ASTN2: variants seen among roughly 807,000 people sequenced by gnomAD.
The protein encoded by ASTN2 is astrotactin 2.
In ASTN2, 54 loss-of-function variants were observed where a neutral mutation model predicts 139.8. The observed-to-expected ratio is 0.39, with a 90% CI of 0.31 to 0.48. The LOEUF (loss-of-function observed/expected upper bound fraction) is 0.48, where lower values mean the gene tolerates loss of function less well. Ranked by LOEUF, ASTN2 falls within the 20% of genes least tolerant of loss-of-function variation. ASTN2 has a pLI of 0.95. For synonymous variants in ASTN2, 756 were observed against 719.5 expected (o/e 1.05, Z -0.81); for missense variants, 1,565 against 1,725.1 (o/e 0.91, Z 1.64).
At chr9:116,480,034 G>A (rs1477585144) in intron 20 of ASTN2, among the ~76,000 whole-genome samples, 1 of 152,012 alleles carries the variant, frequency 6.6e-6, no homozygotes, top group Non-Finnish European at 1.5e-5. Context: ...TTGTTGTGAG[G>A]ATTAGATTAA....
chr9:117,414,780 G>A lies in ASTN2; in HGVS notation c.159C>T (p.Ala53=), dbSNP rs1285747632. Reference sequence around the variant, plus strand: ...GGCTGTCGGGCTCCCGCGAGGCAGCGGCGGTGGCGCCGGCCAGCAGCGGCG... The same window carrying A: ...GGCTGTCGGGCTCCCGCGAGGCAGCAGCGGTGGCGCCGGCCAGCAGCGGCG... ...PPPPLLAGAT[A]AASREPDSPC... The change falls in exon 1 of 23, where the codon GCC becomes GCT. Residue 53 remains alanine, a synonymous_variant. Coordinates refer to ENST00000313400, the MANE Select transcript of ASTN2 (RefSeq NM_001365068.1). The surrounding 1 kb of genome is among the most constrained non-coding windows in gnomAD (Gnocchi z 4.2). 1.6e-6 allele frequency: 2 copies of A among 1,259,312 alleles called. No homozygotes were observed. The highest frequency in any genetic ancestry group is 2.0e-6 in the Non-Finnish European group (2 of 1,001,206). The allele number at this position is 1,259,312 out of a possible 1,614,324, so 78.0% of individuals were successfully genotyped here.
At chr9:116,754,731 G>A (rs941598970) in intron 13 of ASTN2, among the ~76,000 whole-genome samples, 1 of 152,040 alleles carries the variant, frequency 6.6e-6, no homozygotes, top group Admixed American at 6.6e-5. Context: ...AGTGTGTTTA[G>A]GAGCTGTTTA....
At chr9:116,786,399 T>A (rs1010161212) in intron 13 of ASTN2, among the ~76,000 whole-genome samples, 4 of 152,222 alleles carry the variant, frequency 2.6e-5, no homozygotes, top group Non-Finnish European at 5.9e-5. Context: ...TTCACTATTG[T>A]CTTCCTGGTT....
rs71379267 is a variant in ASTN2 at position 117,144,660 on chromosome 9, GTTTTTTTTTTTTTTTTTT to G, written c.1016-3200_1016-3183del. Among the ~76,000 whole-genome samples the G allele has an allele frequency of 6.5e-4, 51 of 78,348 alleles. 2 individuals carry two copies. The East Asian group carries it at 0.014, about 21-fold the overall frequency. The allele number at this position is 78,348 out of a possible 152,430, so 51.4% of individuals were successfully genotyped here. On this transcript the variant is annotated intron_variant, in intron 3 of 22. Transcript: ENST00000313400. ...TGACATTTGAGAGGAGTGAACACTA[GTTTTTTTTTTTTTTTTTT>G]TTTTTTTTTTTTTTTTTTTTTGAGA...
chr9:116,777,238 A>G (rs1830107184), intron 13 of ASTN2, among the ~76,000 whole-genome samples: 1 of 152,166 alleles, frequency 6.6e-6, no homozygotes, highest in African/African-American at 2.4e-5. Flanking sequence ...CCCAGACAAG[A>G]AATGCAGACA....
intron 19 of ASTN2, among the ~76,000 whole-genome samples, chr9:116,573,440 A>G (rs1853602946): frequency 6.6e-6 from 1 of 152,218 alleles, no homozygotes; most frequent in African/African-American, 2.4e-5. Context: ...CTTTAATATG[A>G]TAATGTCTTA....
At chr9:117,287,895 T>A (rs1437531925) in intron 2 of ASTN2, among the ~76,000 whole-genome samples, 1 of 152,200 alleles carries the variant, frequency 6.6e-6, no homozygotes, top group Non-Finnish European at 1.5e-5. Flanking sequence ...TTTTCAATAA[T>A]TTTTCTCCAC....
rs141813699 is a variant in ASTN2, at chr9:116,749,073, C to A, written c.2397-15550G>T. ...AGATCTAGTTGGACAAAACATTGAA[C>A]CTTTCCTGGACCTTTGTTTCCTCAT... On this transcript the variant is annotated intron_variant, in intron 13 of 22. Coordinates refer to ENST00000313400, the MANE Select transcript of ASTN2 (RefSeq NM_001365068.1). 7.6e-3 allele frequency among the ~76,000 whole-genome samples: 845 copies of A among 111,520 alleles called. 10 individuals are homozygous for A. Among genetic ancestry groups the A allele is most frequent in the African/African-American group, 0.027 (802 of 29,492 alleles). 73.2% of individuals were successfully genotyped at this position (111,520 alleles called of 152,430 possible). A position where few individuals can be genotyped will look rare whatever the true frequency, so the allele number is the denominator to read the frequency against.
intron 16 of ASTN2, among the ~76,000 whole-genome samples, chr9:116,701,970 C>T (rs957752366): frequency 6.8e-6 from 1 of 147,838 alleles, no homozygotes; most frequent in Non-Finnish European, 1.5e-5. Context: ...TAAAATAGAT[C>T]AAAGAGCAGC....
intron 19 of ASTN2, among the ~76,000 whole-genome samples, chr9:116,525,159 C>CA (rs1476478844): frequency 6.6e-6 from 1 of 152,216 alleles, no homozygotes; most frequent in Non-Finnish European, 1.5e-5. Context: ...GAGCAAAGGT[C>CA]ACTCTTGCTA....
intron 1 of ASTN2, among the ~76,000 whole-genome samples, chr9:117,402,413 G>A (rs1221911366): frequency 6.6e-6 from 1 of 152,154 alleles, no homozygotes; most frequent in African/African-American, 2.4e-5. Flanking sequence ...TGACTGAAAG[G>A]ATGAGAGGCA....
intron 6 of ASTN2, among the ~76,000 whole-genome samples, chr9:117,029,602 T>C (rs900751068): frequency 4.6e-5 from 7 of 151,990 alleles, no homozygotes; most frequent in African/African-American, 1.7e-4. Context: ...AGATGGTGTT[T>C]TATCTGTCTC....
intron 16 of ASTN2, among the ~76,000 whole-genome samples, chr9:116,665,759 A>T (rs921792017): frequency 2.0e-5 from 3 of 152,186 alleles, no homozygotes; most frequent in Admixed American, 1.3e-4. Flanking sequence ...AATTTGAACA[A>T]GGAAAACAAT....
chr9:117,169,308 G>A (rs1449856661), intron 3 of ASTN2, among the ~76,000 whole-genome samples: 1 of 152,076 alleles, frequency 6.6e-6, no homozygotes, highest in Non-Finnish European at 1.5e-5. Flanking sequence ...AAATGCCTCT[G>A]TTTGCTGTGA....
At chr9:117,029,102 A>G (rs1838178064) in intron 6 of ASTN2, among the ~76,000 whole-genome samples, 1 of 152,174 alleles carries the variant, frequency 6.6e-6, no homozygotes, top group African/African-American at 2.4e-5. Flanking sequence ...TGTAACACTA[A>G]GATGGTCATA....
chr9:116,498,285 A>C (rs1849734309), intron 19 of ASTN2, among the ~76,000 whole-genome samples: 1 of 152,162 alleles, frequency 6.6e-6, no homozygotes, highest in Non-Finnish European at 1.5e-5. Flanking sequence ...TTGTCTCTAA[A>C]ATAAGGATAT....
intron 19 of ASTN2, among the ~76,000 whole-genome samples, chr9:116,510,784 C>T (rs1850340778): frequency 6.6e-6 from 1 of 152,108 alleles, no homozygotes; most frequent in Non-Finnish European, 1.5e-5. Flanking sequence ...GGAGTTCACT[C>T]ATGATTTGGC....
rs577589452 is a variant in ASTN2 at position 116,669,129 on chromosome 9, A to G, written c.2807-17336T>C. On this transcript the variant is annotated intron_variant, in intron 16 of 22. Coordinates refer to ENST00000313400, the MANE Select transcript of ASTN2 (RefSeq NM_001365068.1). ...GACATGTCCACCAGTGTGCCATGTC[A>G]GTTCACCATTGCCATGGCAACACCT... 2.0e-5 allele frequency among the ~76,000 whole-genome samples: 3 copies of G among 152,340 alleles called. No individual in the cohort carries two copies. The East Asian group carries it at 5.8e-4, about 29-fold the overall frequency.
chr9:116,604,579 A>G (rs923108962), intron 19 of ASTN2, among the ~76,000 whole-genome samples: 2 of 152,174 alleles, frequency 1.3e-5, no homozygotes, highest in African/African-American at 4.8e-5. Flanking sequence ...GATGAACAGC[A>G]TGGTTCAGCC....
Sources: allele counts gnomAD v4.1 joint callset (sites outside exome capture counted in the v4.1 genomes callset), GRCh38; gene constraint gnomAD v4.1.1; non-coding constraint Gnocchi (gnomAD v3.1); transcripts MANE v1.5; gene names NCBI Gene and HGNC (gene_info 2026-07-23, HGNC 2026-07-21).